Variants in ZNF180 observed in about 807,000 individuals in gnomAD.
ZNF180 encodes the protein zinc finger protein 180.
ZNF180 carries 11 observed loss-of-function variants against 11.8 expected under a neutral mutation model. The observed-to-expected ratio is 0.93, with a 90% CI of 0.59 to 1.55. The LOEUF (loss-of-function observed/expected upper bound fraction) is 1.55. Ranked by LOEUF, ZNF180 falls within the 40% of genes most tolerant of loss-of-function variation. The pLI is 0.00. For missense variants in ZNF180, 773 were observed against 781.7 expected (o/e 0.99, Z 0.13); for synonymous variants, 287 against 257.7 (o/e 1.11, Z -1.09).
chr19:44,492,023 G>A (rs943367176), intron 2 of ZNF180, among the ~76,000 whole-genome samples: 3 of 152,192 alleles, frequency 2.0e-5, no homozygotes, highest in African/African-American at 7.2e-5. Flanking sequence ...ACCAAAGTCT[G>A]TCTAATCACC....
At chr19:44,486,590 C>A (rs1001062707) in intron 2 of ZNF180, among the ~76,000 whole-genome samples, 1 of 152,158 alleles carries the variant, frequency 6.6e-6, no homozygotes, top group Non-Finnish European at 1.5e-5. Context: ...CTTTAGAAGC[C>A]ATTGGATCAA....
chr19:44,481,279 G>A (rs2571046), intron 3 of ZNF180, among the ~76,000 whole-genome samples: 93,747 of 151,988 alleles, frequency 0.62, 30,050 homozygotes, highest in East Asian at 0.89. Context: ...TGCCATGAAA[G>A]CACATGCAAA....
Position 44,497,320 on chromosome 19 carries a change from AT to A in ZNF180, c.14del (p.Asp5ValfsTer33). ...CCTTCGGGGGCTCTGGGGGCTTCTC[AT>A]CCTGCTCTTCCATGCTCTCCTCCAG... MEEQ[D>X]EKPPEPPKVC... On this transcript the variant is annotated frameshift_variant, in exon 2 of 5. Coordinates refer to ENST00000592529, the MANE Select transcript of ZNF180 (RefSeq NM_001278509.3). LOFTEE classifies it high-confidence loss of function. 1.9e-6 allele frequency: 3 copies of A among 1,596,526 alleles called. No homozygotes were observed. Among genetic ancestry groups the A allele is most frequent in the Non-Finnish European group, 2.6e-6 (3 of 1,174,274 alleles).
intron 1 of ZNF180, among the ~76,000 whole-genome samples, chr19:44,499,427 C>T (rs887063433): frequency 5.3e-5 from 8 of 152,242 alleles, no homozygotes; most frequent in East Asian, 1.9e-4. Context: ...TCCCCAGCTA[C>T]CAATTTGATG....
Position 44,476,867 on chromosome 19 carries a change from T to G in ZNF180, c.1533A>C (p.Ala511=). Residue 511 remains alanine (A), a synonymous_variant, in exon 5 of 5, where the codon GCA becomes GCC. Coordinates refer to ENST00000592529, the MANE Select transcript of ZNF180 (RefSeq NM_001278509.3). ...TCTCTCCAGTGTGAGTTCTTTGATG[T>G]GCAACAAGCTGAGAGCTCCAGCTGA... ...KSFSWSSQLV[A]HQRTHTGEKP... is the part of the protein sequence containing the mutation. 1.2e-6 allele frequency: 2 copies of G among 1,614,158 alleles called. No individual in the cohort carries two copies. Among genetic ancestry groups the G allele is most frequent in the Non-Finnish European group, 1.7e-6 (2 of 1,180,000 alleles).
At chr19:44,489,337 G>C (rs572741843) in intron 2 of ZNF180, among the ~76,000 whole-genome samples, 10 of 142,346 alleles carry the variant, frequency 7.0e-5, no homozygotes, top group Non-Finnish European at 7.8e-5. Flanking sequence ...TCGGATGGTT[G>C]CTGTGTCTGT....
At chr19:44,492,983 C>T (rs1042050484) in intron 2 of ZNF180, among the ~76,000 whole-genome samples, 20 of 152,118 alleles carry the variant, frequency 1.3e-4, no homozygotes, top group African/African-American at 4.3e-4. Context: ...ATCTAGAAGG[C>T]GTAAAACCAA....
chr19:44,477,155 A>C lies in ZNF180; in HGVS notation c.1245T>G (p.Cys415Trp). The change falls in exon 5 of 5, where the codon TGT (cysteine) becomes TGG (tryptophan). Residue 415 changes from cysteine to tryptophan, a missense_variant. Cys to Trp is a radical substitution (Grantham distance 215). Coordinates refer to ENST00000592529, the MANE Select transcript of ZNF180 (RefSeq NM_001278509.3). Reference sequence around the variant, plus strand: ...TATAGCTCTGCCTGAATGACTTTCCACACTGATTGCATTCATAAGGCTTCT... The same window carrying C: ...TATAGCTCTGCCTGAATGACTTTCCCCACTGATTGCATTCATAAGGCTTCT... ...TGEKPYECNQ[C>W]GKSFRQSYKL... The C allele has an allele frequency of 1.9e-6, 3 of 1,613,148 alleles. No homozygotes were observed. Among genetic ancestry groups the C allele is most frequent in the Non-Finnish European group, 2.5e-6 (3 of 1,179,220 alleles).
rs541175564 is a variant in ZNF180, at chr19:44,494,674, TA to T, written c.51+2609del. On this transcript the variant is annotated intron_variant, in intron 2 of 4. Coordinates refer to ENST00000592529, the MANE Select transcript of ZNF180 (RefSeq NM_001278509.3). ...GGTGACAGAGTGAGACCCTGTCTCT[TA>T]AAAAACAACAAAATAACAAAACCCC... Among the ~76,000 whole-genome samples the T allele has an allele frequency of 2.8e-4, 42 of 152,142 alleles. No individual in the cohort carries two copies. The Middle Eastern group carries it at 0.014, about 49-fold the overall frequency.
intron 2 of ZNF180, among the ~76,000 whole-genome samples, chr19:44,491,798 G>A (rs1473664953): frequency 6.6e-6 from 1 of 152,084 alleles, no homozygotes; most frequent in Non-Finnish European, 1.5e-5. Context: ...GGCTGGTCTT[G>A]AACTCCTGGC....
intron 4 of ZNF180, 28 bp downstream of exon 4, chr19:44,479,255 T>A (rs373209272): frequency 9.4e-6 from 15 of 1,600,718 alleles, no homozygotes; most frequent in Non-Finnish European, 1.3e-5. Context: ...AGTAGATGGA[T>A]CTTCATTAAA....
chr19:44,499,956 T>A (rs1970698677), intron 1 of ZNF180, among the ~76,000 whole-genome samples: 1 of 152,114 alleles, frequency 6.6e-6, no homozygotes, highest in African/African-American at 2.4e-5. Context: ...CTCCACTAAA[T>A]AAGCCCGGCA....
chr19:44,489,003 T>C (rs1362730452), intron 2 of ZNF180, among the ~76,000 whole-genome samples: 1 of 149,622 alleles, frequency 6.7e-6, no homozygotes, highest in African/African-American at 2.5e-5. Flanking sequence ...AGCCACCCTG[T>C]CTGGGAAGTG....
At chr19:44,488,402 T>C (rs1970305885) in intron 2 of ZNF180, among the ~76,000 whole-genome samples, 2 of 152,208 alleles carry the variant, frequency 1.3e-5, no homozygotes, top group Non-Finnish European at 1.5e-5. Context: ...GTGCCCGCGA[T>C]TGCAGGCGTG....
At chr19:44,483,187 C>A (rs1970127953) in intron 3 of ZNF180, among the ~76,000 whole-genome samples, 1 of 152,160 alleles carries the variant, frequency 6.6e-6, no homozygotes, top group South Asian at 2.1e-4. Context: ...CCACTACCAG[C>A]CTATATTCTT....
intron 1 of ZNF180, 76 bp downstream of exon 1, chr19:44,500,199 A>G (rs764643163): frequency 8.7e-6 from 14 of 1,613,962 alleles, no homozygotes; most frequent in Non-Finnish European, 1.2e-5. Flanking sequence ...TACACTCACC[A>G]CCGCTTCCAG....
rs373984490 is a variant in ZNF180 at position 44,476,800 on chromosome 19, T to A, written c.1600A>T (p.Ser534Cys). The A allele has an allele frequency of 2.5e-6, 4 of 1,614,052 alleles. No homozygotes were observed. In the African/African-American group the frequency reaches 5.3e-5, roughly 22 times the overall value. The change falls in exon 5 of 5, where the codon AGT (serine) becomes TGT (cysteine). Residue 534 changes from serine (S) to cysteine (C), a missense_variant. Coordinates refer to ENST00000592529, the MANE Select transcript of ZNF180 (RefSeq NM_001278509.3). The part of the protein sequence containing the change: ...CSECGKSFNR[S>C]SHLVMHQRIH... ...CTCTGATGCATAACAAGGTGAGAAC[T>A]GCGGTTAAAAGATTTTCCACATTCA...
intron 2 of ZNF180, among the ~76,000 whole-genome samples, chr19:44,494,702 C>T (rs1970535352): frequency 6.6e-6 from 1 of 152,168 alleles, no homozygotes; most frequent in Non-Finnish European, 1.5e-5. Flanking sequence ...CAAAACCCCA[C>T]ACATTTTACC....
rs761465801 is a variant in ZNF180 at position 44,500,263 on chromosome 19, G to T, written c.-44+12C>A. ...CATCGGACACCAAGCGCTGCCCCAC[G>T]CCCCTACCAACCTGGGCGTCCGCTG... On this transcript the variant is annotated intron_variant, in intron 1 of 4. Transcript: ENST00000592529. 6 of 1,613,458 alleles carry T rather than the reference G, an allele frequency of 3.7e-6. No individual in the cohort carries two copies. Among genetic ancestry groups the T allele is most frequent in the South Asian group, 1.1e-5 (1 of 91,080 alleles).
Sources: allele counts gnomAD v4.1 joint callset (sites outside exome capture counted in the v4.1 genomes callset), GRCh38; gene constraint gnomAD v4.1.1; transcripts MANE v1.5; gene names NCBI Gene and HGNC (gene_info 2026-07-23, HGNC 2026-07-21).